The following PEBP4 variants were observed in gnomAD, a reference collection of about 807,000 sequenced individuals.
PEBP4 encodes phosphatidylethanolamine-binding protein 4.
Under a neutral mutation model 23.9 loss-of-function variants are expected in PEBP4, and 22 were observed. The observed-to-expected ratio is 0.92, with a 90% confidence interval of 0.66 to 1.31. The LOEUF (loss-of-function observed/expected upper bound fraction) is 1.31. Ranked by LOEUF, PEBP4 falls within the 40% of genes most tolerant of loss-of-function variation. PEBP4 has a pLI of 0.00. For synonymous variants in PEBP4, 112 were observed against 99.3 expected, an observed-to-expected ratio of 1.13 and a Z score of -0.76; for missense variants, 324 against 281.7, an observed-to-expected ratio of 1.15 and a Z score of -1.07.
At chr8:22,893,794 A>G (rs771634373) in intron 3 of PEBP4, among the ~76,000 whole-genome samples, 3 of 152,322 alleles carry the variant, frequency 2.0e-5, no homozygotes, top group East Asian at 1.9e-4. Flanking sequence ...CCAGAATAGC[A>G]TATCAGTGAG....
chr8:22,845,401 G>T (rs1397620989), intron 3 of PEBP4, among the ~76,000 whole-genome samples: 2 of 152,060 alleles, frequency 1.3e-5, no homozygotes, highest in African/African-American at 2.4e-5. Context: ...TGGGTGTGGT[G>T]GTGTGTGCCT....
intron 4 of PEBP4, among the ~76,000 whole-genome samples, chr8:22,755,376 C>G (rs962495114): frequency 6.9e-6 from 1 of 145,976 alleles, no homozygotes; most frequent in Non-Finnish European, 1.5e-5. Context: ...TGCTCTGTCA[C>G]CCAGGCTGCC....
At chr8:22,802,661 T>C (rs913555802) in intron 4 of PEBP4, among the ~76,000 whole-genome samples, 1 of 152,178 alleles carries the variant, frequency 6.6e-6, no homozygotes, top group Non-Finnish European at 1.5e-5. Flanking sequence ...TTCCACATTC[T>C]CCCTCTAATA....
intron 4 of PEBP4, among the ~76,000 whole-genome samples, chr8:22,795,143 G>GTGTGTATATATA (rs1268855798): frequency 2.0e-5 from 1 of 49,926 alleles, no homozygotes; most frequent in African/African-American, 8.9e-5. Context: ...ATGTGTGTGT[G>GTGTGTATATATA]TATATATATA....
chr8:22,927,559 C>T (rs760122549), intron 2 of PEBP4, 25 bp downstream of exon 2: 12 of 1,598,290 alleles, frequency 7.5e-6, no homozygotes, highest in Middle Eastern at 1.7e-4. Flanking sequence ...CTGTGCCTCC[C>T]GCCTCCAAGC....
chr8:22,837,058 A>G (rs1807218968), intron 3 of PEBP4, among the ~76,000 whole-genome samples: 1 of 152,188 alleles, frequency 6.6e-6, no homozygotes, highest in Non-Finnish European at 1.5e-5. Context: ...TGTGAAATTC[A>G]AAGTATGAAT....
chr8:22,862,479 A>T (rs1807797439), intron 3 of PEBP4, among the ~76,000 whole-genome samples: 1 of 152,182 alleles, frequency 6.6e-6, no homozygotes, highest in Admixed American at 6.5e-5. Flanking sequence ...ACTTCACAGG[A>T]TCCGAAAACA....
chr8:22,744,053 T>C (rs1247354559), intron 4 of PEBP4, among the ~76,000 whole-genome samples: 1 of 152,220 alleles, frequency 6.6e-6, no homozygotes, highest in Non-Finnish European at 1.5e-5. Flanking sequence ...AAGAGATACT[T>C]GCCCTGTGTT....
rs539691216 is a variant in PEBP4 at position 22,724,786 on chromosome 8, G to A, written c.517+57C>T. The A allele has an allele frequency of 1.9e-4, 258 of 1,378,108 alleles. 1 individual carries two copies. The African/African-American group carries it at 2.6e-3, about 14-fold the overall frequency. 85.4% of individuals were successfully genotyped at this position (1,378,108 alleles called of 1,614,324 possible). On this transcript the variant is annotated intron_variant, in intron 6 of 6. Transcript: ENST00000256404. Reference sequence around the variant, plus strand: ...CAATTTCCCCGTAAATGCCTGAAGCGTTTGTTCCACCCCAGAATTCACCCC... The same window carrying A: ...CAATTTCCCCGTAAATGCCTGAAGCATTTGTTCCACCCCAGAATTCACCCC...
intron 4 of PEBP4, among the ~76,000 whole-genome samples, chr8:22,786,524 T>C (rs996349599): frequency 6.6e-6 from 1 of 152,000 alleles, no homozygotes; most frequent in East Asian, 1.9e-4. Context: ...CCTCAAGCAA[T>C]GCTCCCACCT....
At chr8:22,856,177 GAA>G (rs965304323) in intron 3 of PEBP4, among the ~76,000 whole-genome samples, 1 of 151,292 alleles carries the variant, frequency 6.6e-6, no homozygotes, top group African/African-American at 2.4e-5. Context: ...CAATCAGTAA[GAA>G]AAAAGTCTAA....
chr8:22,889,339 C>G (rs921614197), intron 3 of PEBP4, among the ~76,000 whole-genome samples: 3 of 152,194 alleles, frequency 2.0e-5, no homozygotes, highest in African/African-American at 7.2e-5. Flanking sequence ...TCTGAGCCCC[C>G]TCAAAATCCA....
At chr8:22,844,052 T>C (rs766725118) in intron 3 of PEBP4, among the ~76,000 whole-genome samples, 1 of 151,586 alleles carries the variant, frequency 6.6e-6, no homozygotes, top group Non-Finnish European at 1.5e-5. Context: ...ATAACTGGAG[T>C]GCTCATATTG....
chr8:22,797,602 G>A (rs1201657336), intron 4 of PEBP4, among the ~76,000 whole-genome samples: 4 of 152,202 alleles, frequency 2.6e-5, no homozygotes, highest in Non-Finnish European at 5.9e-5. Flanking sequence ...GAAGGTAGGA[G>A]TAAGTAAGTT....
intron 2 of PEBP4, among the ~76,000 whole-genome samples, chr8:22,921,971 G>T (rs1056549999): frequency 3.8e-4 from 58 of 152,200 alleles, no homozygotes; most frequent in Non-Finnish European, 2.6e-4. Context: ...GTGGAGGGAC[G>T]CCCTCACGCC....
intron 3 of PEBP4, among the ~76,000 whole-genome samples, chr8:22,822,856 A>C (rs1182548229): frequency 6.6e-6 from 1 of 152,064 alleles, no homozygotes; most frequent in African/African-American, 2.4e-5. Context: ...ATCATTTTGC[A>C]AAAATGTCAA....
chr8:22,928,868 A>G (rs1426345319), upstream of PEBP4, among the ~76,000 whole-genome samples: 5 of 152,232 alleles, frequency 3.3e-5, no homozygotes, highest in African/African-American at 1.2e-4. Context: ...ACACGCAGCT[A>G]GACCTTTAGA....
intron 3 of PEBP4, among the ~76,000 whole-genome samples, chr8:22,866,030 C>T (rs532328222): frequency 8.5e-5 from 13 of 152,336 alleles, no homozygotes; most frequent in African/African-American, 2.9e-4. Flanking sequence ...AGGGCGTCAT[C>T]GGCTCCACGC....
intron 3 of PEBP4, among the ~76,000 whole-genome samples, chr8:22,856,411 A>G (rs1807650619): frequency 6.6e-6 from 1 of 152,218 alleles, no homozygotes; most frequent in South Asian, 2.1e-4. Flanking sequence ...AAATTTGGCA[A>G]TGAATATCAA....
Sources: allele counts gnomAD v4.1 joint callset (sites outside exome capture counted in the v4.1 genomes callset), GRCh38; gene constraint gnomAD v4.1.1; transcripts MANE v1.5; gene names NCBI Gene and HGNC (gene_info 2026-07-23, HGNC 2026-07-21).